Variants in KDM2A observed in about 807,000 individuals in gnomAD.
KDM2A encodes lysine demethylase 2A.
A neutral mutation model predicts 137.3 loss-of-function variants in KDM2A; 3 were observed. That is an observed-to-expected ratio of 0.02 (90% CI 0.01 to 0.06). The LOEUF is 0.06. Ranked by LOEUF, KDM2A falls within the 10% of genes least tolerant of loss-of-function variation. The probability of loss-of-function intolerance (pLI) is 1.00; values close to 1 mark genes in which losing one functional copy is unlikely to be tolerated. For synonymous variants in KDM2A, 512 were observed against 541.5 expected (o/e 0.95, Z 0.76); for missense variants, 738 against 1,510.6 (o/e 0.49, Z 8.48).
At position 67,255,654 on chromosome 11, in the gene KDM2A, G is replaced by C; in HGVS notation, c.*599G>C. 1 of 445,874 alleles carries C rather than the reference G, an allele frequency of 2.2e-6. No homozygotes were observed. The highest frequency in any genetic ancestry group is 4.5e-6 in the Non-Finnish European group (1 of 220,358). The allele number at this position is 445,874 out of a possible 1,614,324, so 27.6% of individuals were successfully genotyped here. On this transcript the variant is annotated 3_prime_UTR_variant, in exon 21 of 21. Transcript: ENST00000529006. The stretch of plus-strand genomic sequence containing the variant: ...CCCTCCTTTCCTCTCCCTTGAGCTT[G>C]GTTCTGCCCAGCACTCGTGCTTGTT...
intron 9 of KDM2A, 21 bp downstream of exon 9, chr11:67,217,905 G>A: frequency 6.4e-7 from 1 of 1,558,376 alleles, no homozygotes; most frequent in Non-Finnish European, 8.7e-7. Context: ...TGGGAAGAGT[G>A]GGTTATTTAG....
At chr11:67,200,372 C>T (rs1001645164) in intron 5 of KDM2A, among the ~76,000 whole-genome samples, 7 of 152,116 alleles carry the variant, frequency 4.6e-5, no homozygotes, top group Admixed American at 3.9e-4. Context: ...TCCGCCACCA[C>T]GTCCGGCTAA....
At chr11:67,128,007 G>GC (rs1370614595) in intron 2 of KDM2A, among the ~76,000 whole-genome samples, 3 of 136,226 alleles carry the variant, frequency 2.2e-5, no homozygotes, top group Non-Finnish European at 3.2e-5. Context: ...AGCACACCCG[G>GC]CCTTTTTTTT....
chr11:67,183,067 G>T (rs1348632878), intron 5 of KDM2A, among the ~76,000 whole-genome samples: 1 of 152,166 alleles, frequency 6.6e-6, no homozygotes, highest in African/African-American at 2.4e-5. Flanking sequence ...GATATCCCAG[G>T]TAGAGGAAAG....
intron 2 of KDM2A, among the ~76,000 whole-genome samples, chr11:67,131,108 T>C (rs996130583): frequency 6.6e-6 from 1 of 152,096 alleles, no homozygotes; most frequent in Non-Finnish European, 1.5e-5. Context: ...GCAGATTGCC[T>C]GAGGTCAGGA....
intron 2 of KDM2A, among the ~76,000 whole-genome samples, chr11:67,126,558 A>G (rs974008195): frequency 7.2e-5 from 11 of 151,948 alleles, no homozygotes; most frequent in African/African-American, 2.7e-4. Context: ...AAATACAAAA[A>G]TTAGCCGGAT....
intron 2 of KDM2A, among the ~76,000 whole-genome samples, chr11:67,168,441 A>C (rs931486896): frequency 2.6e-5 from 4 of 152,058 alleles, no homozygotes; most frequent in Non-Finnish European, 5.9e-5. Flanking sequence ...GTTGCCCCCT[A>C]GTGGCCAGCA....
chr11:67,216,952 C>A (rs758387282), intron 8 of KDM2A, among the ~76,000 whole-genome samples: 32 of 151,674 alleles, frequency 2.1e-4, no homozygotes, highest in Non-Finnish European at 4.7e-4. Context: ...AACAAAAAAA[C>A]ATGAGGTCTT....
At chr11:67,215,993 G>A (rs1454587320) in intron 8 of KDM2A, 44 bp downstream of exon 8, 1 of 1,475,470 alleles carries the variant, frequency 6.8e-7, no homozygotes, top group Admixed American at 1.7e-5. Flanking sequence ...GAAGTTGGTT[G>A]TATGACTTTG....
intron 5 of KDM2A, 35 bp from the exon 6 acceptor site, chr11:67,207,475 C>T (rs776670262): frequency 2.7e-6 from 4 of 1,490,876 alleles, no homozygotes. Context: ...ATATTAGTGG[C>T]TCGATAGAGA....
At chr11:67,143,718 T>A (rs992780959) in intron 2 of KDM2A, among the ~76,000 whole-genome samples, 14 of 151,500 alleles carry the variant, frequency 9.2e-5, no homozygotes, top group African/African-American at 2.4e-4. Flanking sequence ...CTGCAACCTC[T>A]GCCTCCTGGG....
rs1859178325 is a variant in KDM2A at position 67,245,529 on chromosome 11, G to A, written c.1833+71G>A. 4 of 1,532,286 alleles carry A rather than the reference G, an allele frequency of 2.6e-6. No homozygotes were observed. Among genetic ancestry groups the A allele is most frequent in the African/African-American group, 1.4e-5 (1 of 73,104 alleles). The allele number at this position is 1,532,286 out of a possible 1,614,324, so 94.9% of individuals were successfully genotyped here. On this transcript the variant is annotated intron_variant, in intron 14 of 20. Transcript: ENST00000529006. This position sits in a 1 kb window ranked among gnomAD's most constrained non-coding sequence, Gnocchi z 4.1. ...CCAAAGGAACTGAAATACATATAGT[G>A]TAGAGTTAAAGAGACTTCAGAGTTG...
rs752328206 is a variant in KDM2A, at chr11:67,250,607, AGAGGAGGAGGAG to A, written c.2586_2597del (p.Glu863_Glu866del). 8.1e-6 allele frequency: 13 copies of A among 1,611,240 alleles called. No individual in the cohort carries two copies. The highest frequency in any genetic ancestry group is 1.3e-5 in the African/African-American group (1 of 74,910). The stretch of plus-strand genomic sequence containing the variant: ...AGGGGCTGGGGGGAGAGGAGGAGGA[AGAGGAGGAGGAG>A]GAGGAGGAAGATGACAGTGCAGAGG... On this transcript the variant is annotated inframe_deletion, in exon 17 of 21. Coordinates refer to ENST00000529006, the MANE Select transcript of KDM2A (RefSeq NM_012308.3). This position sits in a 1 kb window ranked among gnomAD's most constrained non-coding sequence, Gnocchi z 7.1.
intron 2 of KDM2A, among the ~76,000 whole-genome samples, chr11:67,121,970 G>T (rs894789511): frequency 3.3e-5 from 5 of 152,114 alleles, no homozygotes; most frequent in African/African-American, 1.2e-4. Flanking sequence ...GAAAGGATTG[G>T]CTTATATCTG....
chr11:67,246,149 C>A, intron 15 of KDM2A, 33 bp downstream of exon 15: 1 of 1,611,832 alleles, frequency 6.2e-7, no homozygotes, highest in South Asian at 1.1e-5. Flanking sequence ...CCTGAAGTCT[C>A]AGCTAATGGA....
intron 5 of KDM2A, among the ~76,000 whole-genome samples, chr11:67,189,436 C>T (rs1857289889): frequency 6.6e-6 from 1 of 152,164 alleles, no homozygotes; most frequent in Non-Finnish European, 1.5e-5. Context: ...TTATAAAACA[C>T]GGAATCACTG....
chr11:67,236,496 AAT>A (rs773642781), intron 12 of KDM2A, among the ~76,000 whole-genome samples: 6 of 152,320 alleles, frequency 3.9e-5, no homozygotes, highest in African/African-American at 9.6e-5. Flanking sequence ...AGTAGTTCTT[AAT>A]ATATATGCAT....
chr11:67,217,492 T>A (rs1858203807), intron 8 of KDM2A: 1 of 510,846 alleles, frequency 2.0e-6, no homozygotes, highest in Non-Finnish European at 3.5e-6. Context: ...CTCCGAGTCC[T>A]GGATGGTGTA....
At chr11:67,197,002 C>G (rs1188432880) in intron 5 of KDM2A, 1 of 152,894 alleles carries the variant, frequency 6.5e-6, no homozygotes, top group East Asian at 1.9e-4. Context: ...CTTCCCACTT[C>G]CTTACCACTT....
Sources: allele counts gnomAD v4.1 joint callset (sites outside exome capture counted in the v4.1 genomes callset), GRCh38; gene constraint gnomAD v4.1.1; non-coding constraint Gnocchi (gnomAD v3.1); transcripts MANE v1.5; gene names NCBI Gene and HGNC (gene_info 2026-07-23, HGNC 2026-07-21).